The following CPAMD8 variants were observed in gnomAD, a reference collection of about 807,000 sequenced individuals.
CPAMD8 encodes the protein C3 and PZP-like alpha-2-macroglobulin domain-containing protein 8.
A neutral mutation model predicts 224.7 loss-of-function variants in CPAMD8; 146 were observed. The observed-to-expected ratio is 0.65, with a 90% CI of 0.57 to 0.75. The LOEUF (loss-of-function observed/expected upper bound fraction) is 0.75. Ranked by LOEUF, CPAMD8 falls within the 30% of genes least tolerant of loss-of-function variation. The pLI, the probability that CPAMD8 is intolerant of heterozygous loss-of-function variation, is 0.00. For synonymous variants in CPAMD8, 966 were observed against 1,044.6 expected, an observed-to-expected ratio of 0.92 and a Z score of 1.45; for missense variants, 2,301 against 2,537.5, an observed-to-expected ratio of 0.91 and a Z score of 2.00.
At chr19:16,945,780 TGTGTGTGTGTGC>T in intron 21 of CPAMD8, 101 bp from the exon 22 acceptor site, 1 of 1,029,138 alleles carries the variant, frequency 9.7e-7, no homozygotes, top group Non-Finnish European at 1.5e-6. Flanking sequence ...TGCATGCATG[TGTGTGTGTGTGC>T]ATGTGTGTGT....
Position 16,978,505 on chromosome 19 carries a change from C to T in CPAMD8, c.1586-965G>A, listed in dbSNP as rs546625571. On this transcript the variant is annotated intron_variant, in intron 14 of 41. Transcript: ENST00000443236. ...CCAAGAGGGTGAAGGTGCACCATGC[C>T]CAAAGCAGGACTCTGGCCAGCAGTT... 7.2e-5 allele frequency among the ~76,000 whole-genome samples: 11 copies of T among 152,218 alleles called. No individual in the cohort carries two copies. In the East Asian group the frequency reaches 1.9e-3, roughly 27 times the overall value.
chr19:17,008,627 A>T, intron 6 of CPAMD8, 68 bp from the exon 7 acceptor site: 1 of 1,538,948 alleles, frequency 6.5e-7, no homozygotes, highest in East Asian at 2.2e-5. Flanking sequence ...GCCCAATGTA[A>T]GGATTTTCCC....
In CPAMD8 at chr19:16,896,641, G is replaced by A. The variant is rs2052007680; in HGVS notation, c.5090C>T (p.Pro1697Leu). The A allele has an allele frequency of 3.4e-6, 5 of 1,478,046 alleles. No individual in the cohort carries two copies. The South Asian group carries it at 3.9e-5, about 11-fold the overall frequency. 91.6% of individuals were successfully genotyped at this position (1,478,046 alleles called of 1,614,324 possible). A position where few individuals can be genotyped will look rare whatever the true frequency, so the allele number is the denominator to read the frequency against. The change falls in exon 40 of 42, where the codon CCT becomes CTT. Residue 1697 changes from proline (P) to leucine (L), a missense_variant. Transcript: ENST00000443236. ...GPGWFPGESG[P>L]AVAPEEGAAI... ...CGCCCCCTCCTCAGGGGCCACGGCA[G>A]GGCCCGACTCGCCGGGGAACCAGCC...
chr19:16,977,672 G>C, intron 14 of CPAMD8, 132 bp from the exon 15 acceptor site: 2 of 626,322 alleles, frequency 3.2e-6, no homozygotes, highest in South Asian at 4.6e-5. Flanking sequence ...TGCATCTTTG[G>C]TTTTGAGATG....
At chr19:16,896,771 C>G (rs2144686046) in intron 39 of CPAMD8, 106 bp from the exon 40 acceptor site, 2 of 773,834 alleles carry the variant, frequency 2.6e-6, no homozygotes, top group East Asian at 3.4e-5. Flanking sequence ...GCCCACTACC[C>G]CCTCGGTGGG....
rs2053467425 is a variant in CPAMD8 at position 16,929,110 on chromosome 19, C to G, written c.2976G>C (p.Gln992His). 1 of 1,614,024 alleles carries G rather than the reference C, an allele frequency of 6.2e-7. No homozygotes were observed. Among genetic ancestry groups the G allele is most frequent in the Non-Finnish European group, 8.5e-7 (1 of 1,180,024 alleles). The change falls in exon 24 of 42, where the codon CAG becomes CAC. Residue 992 changes from glutamine (Q) to histidine (H), a missense_variant. Physicochemically the swap from Gln to His is conservative, Grantham distance 24. This residue lies in a region of CPAMD8 where 1,709 missense variants were observed against 1,753.2 expected (regional missense o/e 0.97). Transcript: ENST00000443236. ...DARVALSSGP[Q>H]DTAGMIEIVL... is the part of the protein sequence containing the mutation. Reference sequence around the variant, plus strand: ...CGATCTCGATCATGCCTGCTGTGTCCTGGGGCCCAGAAGACAAGGCCACAC... The same window carrying G: ...CGATCTCGATCATGCCTGCTGTGTCGTGGGGCCCAGAAGACAAGGCCACAC...
chr19:16,934,009 A>T lies in CPAMD8; in HGVS notation c.2845+4386T>A, dbSNP rs191722092. 1.4e-4 allele frequency among the ~76,000 whole-genome samples: 21 copies of T among 152,326 alleles called. No individual in the cohort carries two copies. In the East Asian group the frequency reaches 3.7e-3, roughly 27 times the overall value. On this transcript the variant is annotated intron_variant, in intron 23 of 41. Transcript: ENST00000443236. ...TGGAATCCTACTCAGCCTTAAAATG[A>T]TTGAATTATTGACACATGCACCATG... is the stretch of plus-strand genomic sequence containing the variant.
chr19:16,901,317 G>C lies in CPAMD8; in HGVS notation c.4686-20C>G, dbSNP rs1284394664. 2.0e-6 allele frequency: 3 copies of C among 1,535,576 alleles called. No homozygotes were observed. In the African/African-American group the frequency reaches 4.1e-5, roughly 21 times the overall value. On this transcript the variant is annotated intron_variant, in intron 35 of 41. Coordinates refer to ENST00000443236, the MANE Select transcript of CPAMD8 (RefSeq NM_015692.5). ...AGCCACCTTCCAACAACAGGGGAGAGAGAGAGGCCCTAGAGCTCAAGCCCA... is the reference window on the plus strand; with the variant it reads ...AGCCACCTTCCAACAACAGGGGAGACAGAGAGGCCCTAGAGCTCAAGCCCA...
chr19:17,015,120 T>C (rs971806727), intron 3 of CPAMD8, among the ~76,000 whole-genome samples: 2 of 152,182 alleles, frequency 1.3e-5, no homozygotes, highest in African/African-American at 2.4e-5. Flanking sequence ...CAGGCGCCTA[T>C]AGTCCCAGCG....
intron 18 of CPAMD8, among the ~76,000 whole-genome samples, chr19:16,965,382 A>G (rs2054794981): frequency 6.6e-6 from 1 of 152,212 alleles, no homozygotes; most frequent in Non-Finnish European, 1.5e-5. Flanking sequence ...CACAGCCAAT[A>G]TCATACTGAA....
At chr19:16,991,854 CA>C (rs201607210) in intron 12 of CPAMD8, among the ~76,000 whole-genome samples, 4,885 of 144,522 alleles carry the variant, frequency 0.034, 203 homozygotes, top group African/African-American at 0.1. Context: ...GACTCTGTAT[CA>C]AAAAAAAAAA....
rs1311355344 is a variant in CPAMD8 at position 16,928,013 on chromosome 19, G to T, written c.3366C>A (p.Ile1122=). The T allele has an allele frequency of 1.9e-6, 3 of 1,609,902 alleles. No individual in the cohort carries two copies. In the African/African-American group the frequency reaches 4.0e-5, roughly 21 times the overall value. ...CAGGCTGTGGGACAGACGCACCGAT[G>T]ATGGAGGCGGTGGCTCGCTCAGACC... The part of the protein sequence containing the change: ...IPGSERATAS[I]IGDVMGPTLN... The change falls in exon 25 of 42, where the codon ATC becomes ATA. Residue 1122 remains isoleucine (I), a synonymous_variant. Transcript: ENST00000443236.
intron 18 of CPAMD8, among the ~76,000 whole-genome samples, chr19:16,958,606 G>A (rs2054548797): frequency 6.6e-6 from 1 of 152,096 alleles, no homozygotes; most frequent in Non-Finnish European, 1.5e-5. Flanking sequence ...CTTTATGGTA[G>A]AATGATTTAT....
At chr19:17,026,394 C>T (rs2057082010) in intron 1 of CPAMD8, among the ~76,000 whole-genome samples, 157 bp downstream of exon 1, 1 of 152,196 alleles carries the variant, frequency 6.6e-6, no homozygotes, top group South Asian at 2.1e-4. Context: ...AACTTTAGGG[C>T]GCCCCCTCCT....
intron 13 of CPAMD8, among the ~76,000 whole-genome samples, chr19:16,987,165 AAAAAAAAAAAAAAAATATAT>A (rs898439359): frequency 9.2e-5 from 9 of 97,626 alleles, no homozygotes; most frequent in African/African-American, 3.7e-4. Context: ...AAAAAAAAAA[AAAAAAAAAAAAAAAATATAT>A]ATATATATAT....
chr19:17,011,991 C>T (rs1172831026), intron 3 of CPAMD8, among the ~76,000 whole-genome samples: 1 of 152,130 alleles, frequency 6.6e-6, no homozygotes, highest in Non-Finnish European at 1.5e-5. Context: ...TTACAGAGCA[C>T]AGGACACCCC....
intron 17 of CPAMD8, 73 bp downstream of exon 17, chr19:16,975,024 T>C: frequency 3.3e-6 from 5 of 1,512,894 alleles, no homozygotes; most frequent in Non-Finnish European, 1.8e-6. Flanking sequence ...CATTTCTGAA[T>C]CTCCAAGACT....
At chr19:16,916,368 T>G (rs752715032) in intron 27 of CPAMD8, among the ~76,000 whole-genome samples, 2 of 151,926 alleles carry the variant, frequency 1.3e-5, no homozygotes, top group Non-Finnish European at 2.9e-5. Context: ...CCTGAGTAGC[T>G]GGGATTACAG....
Position 16,897,886 on chromosome 19 carries a change from T to C in CPAMD8, c.4954+3A>G. ...GGCCGGGGGTGCGGGCGCGCGGGCC[T>C]ACCGGGTTCGTAGTAGTCGTACACG... On this transcript the variant is annotated splice_donor_region_variant and intron_variant, in intron 38 of 41. Coordinates refer to ENST00000443236, the MANE Select transcript of CPAMD8 (RefSeq NM_015692.5). 4 of 1,606,460 alleles carry C rather than the reference T, an allele frequency of 2.5e-6. No individual in the cohort carries two copies. Among genetic ancestry groups the C allele is most frequent in the Non-Finnish European group, 3.4e-6 (4 of 1,177,112 alleles).
Sources: allele counts gnomAD v4.1 joint callset (sites outside exome capture counted in the v4.1 genomes callset), GRCh38; gene constraint gnomAD v4.1.1; regional missense constraint gnomAD v4.1.1; transcripts MANE v1.5; gene names NCBI Gene and HGNC (gene_info 2026-07-23, HGNC 2026-07-21).